The following WDR70 variants were observed in gnomAD, a reference collection of about 807,000 sequenced individuals.
The protein encoded by WDR70 is WD repeat domain 70.
Under a neutral mutation model 88.6 loss-of-function variants are expected in WDR70, and 53 were observed. The observed-to-expected ratio is 0.60, with a 90% CI of 0.48 to 0.75. The LOEUF is 0.75. Among genes scored for constraint, WDR70 ranks in the 30% least tolerant of loss-of-function variants. The pLI is 0.00. For synonymous variants in WDR70, 280 were observed against 270.0 expected, an observed-to-expected ratio of 1.04 and a Z score of -0.36; for missense variants, 610 against 823.2, an observed-to-expected ratio of 0.74 and a Z score of 3.17.
At chr5:37,651,208 C>T (rs554417915) in intron 10 of WDR70, among the ~76,000 whole-genome samples, 278 of 152,084 alleles carry the variant, frequency 1.8e-3, no homozygotes, top group African/African-American at 5.9e-3. Context: ...TGAGAACATG[C>T]GGTGTTTGGT....
intron 10 of WDR70, among the ~76,000 whole-genome samples, chr5:37,674,479 G>A (rs903516531): frequency 2.1e-4 from 32 of 151,862 alleles, no homozygotes; most frequent in East Asian, 3.9e-4. Flanking sequence ...GAGAACATGC[G>A]GTGTTTCATT....
At chr5:37,545,793 G>A (rs1373915317) in intron 9 of WDR70, among the ~76,000 whole-genome samples, 1 of 152,084 alleles carries the variant, frequency 6.6e-6, no homozygotes, top group Non-Finnish European at 1.5e-5. Flanking sequence ...CAAAGTGCTG[G>A]CATTACAGCT....
intron 5 of WDR70, among the ~76,000 whole-genome samples, chr5:37,409,968 A>G (rs1228111045): frequency 6.6e-6 from 1 of 152,188 alleles, no homozygotes; most frequent in Non-Finnish European, 1.5e-5. Flanking sequence ...GCAAATATAT[A>G]GAAGACCTGA....
intron 8 of WDR70, among the ~76,000 whole-genome samples, chr5:37,497,386 C>CT: frequency 7.7e-6 from 1 of 129,980 alleles, no homozygotes; most frequent in African/African-American, 2.9e-5. Context: ...TCTTCCCTCC[C>CT]CTTCCCTCCC....
rs1456569166 is a variant in WDR70, at chr5:37,676,270, T to C, written c.1093-21385T>C. Among the ~76,000 whole-genome samples the C allele has an allele frequency of 5.3e-5, 8 of 151,370 alleles. 1 individual carries two copies. Among genetic ancestry groups the C allele is most frequent in the African/African-American group, 1.9e-4 (8 of 41,374 alleles). On this transcript the variant is annotated intron_variant, in intron 10 of 17. Transcript: ENST00000265107. ...GCCCTGGCCAGAACTTCCAACACTA[T>C]GTTGAATAGGAGTGGTGAGAGAGGG... is the stretch of plus-strand genomic sequence containing the variant.
chr5:37,720,172 A>C (rs1205057297), intron 13 of WDR70, among the ~76,000 whole-genome samples: 6 of 152,176 alleles, frequency 3.9e-5, no homozygotes, highest in Admixed American at 3.9e-4. Context: ...TAAAATGCTA[A>C]TATCTAATCA....
intron 13 of WDR70, among the ~76,000 whole-genome samples, chr5:37,713,794 A>G (rs1424213210): frequency 6.6e-6 from 1 of 152,236 alleles, no homozygotes; most frequent in African/African-American, 2.4e-5. Context: ...GCACCGTATC[A>G]CATCCCACTG....
At chr5:37,718,829 T>A (rs1747726453) in intron 13 of WDR70, among the ~76,000 whole-genome samples, 1 of 152,176 alleles carries the variant, frequency 6.6e-6, no homozygotes. Flanking sequence ...ACTTGGGATA[T>A]GTTGCCAAAC....
Position 37,727,055 on chromosome 5 carries a change from T to C in WDR70, c.1877+10T>C. On this transcript the variant is annotated intron_variant, in intron 17 of 17. Transcript: ENST00000265107. ...CTCCAGCATATTCCAAGTGAGAATA[T>C]AGCTTTTTAAAACAGGAAAATTGTT... 3.1e-6 allele frequency: 5 copies of C among 1,598,468 alleles called. No homozygotes were observed. The highest frequency in any genetic ancestry group is 4.3e-6 in the Non-Finnish European group (5 of 1,175,348).
intron 10 of WDR70, among the ~76,000 whole-genome samples, chr5:37,651,190 C>G (rs1171683811): frequency 6.6e-6 from 1 of 152,070 alleles, no homozygotes. Flanking sequence ...TCAGCTCCCA[C>G]TTATCAGTGA....
At chr5:37,715,103 T>C (rs1238566614) in intron 13 of WDR70, among the ~76,000 whole-genome samples, 1 of 152,180 alleles carries the variant, frequency 6.6e-6, no homozygotes, top group Non-Finnish European at 1.5e-5. Flanking sequence ...CCATGAGTTT[T>C]CTGGGAATTA....
At chr5:37,692,024 A>G (rs1453453165) in intron 10 of WDR70, among the ~76,000 whole-genome samples, 4 of 152,194 alleles carry the variant, frequency 2.6e-5, no homozygotes, top group African/African-American at 9.6e-5. Context: ...TAAAGGGGAT[A>G]TCACCACCGA....
chr5:37,729,941 T>A (rs1259864642), intron 17 of WDR70, among the ~76,000 whole-genome samples: 1 of 152,150 alleles, frequency 6.6e-6, no homozygotes, highest in Non-Finnish European at 1.5e-5. Flanking sequence ...ATCTTTTTAG[T>A]TCCTGGTGTA....
At position 37,699,398 on chromosome 5, in the gene WDR70, T is replaced by TACACAC. The variant is rs780835202; in HGVS notation, c.1192+1645_1192+1646insCACACA. Among the ~76,000 whole-genome samples, 297 of 74,124 alleles carry TACACAC rather than the reference T, an allele frequency of 4.0e-3. 1 individual carries two copies. The South Asian group carries it at 0.053, about 13-fold the overall frequency. 48.6% of individuals were successfully genotyped at this position (74,124 alleles called of 152,430 possible). A position where few individuals can be genotyped will look rare whatever the true frequency, so the allele number is the denominator to read the frequency against. On this transcript the variant is annotated intron_variant, in intron 11 of 17. Coordinates refer to ENST00000265107, the MANE Select transcript of WDR70 (RefSeq NM_018034.4). ...GTATATATATGTATGTGTGTATATA[T>TACACAC]ATATACACACACACACACACACACA...
chr5:37,456,229 T>C (rs1365179336), intron 7 of WDR70, among the ~76,000 whole-genome samples: 1 of 152,168 alleles, frequency 6.6e-6, no homozygotes, highest in Non-Finnish European at 1.5e-5. Flanking sequence ...TGTGTAAGAG[T>C]TGTAGTTACT....
chr5:37,634,505 C>T (rs960933810), intron 10 of WDR70, among the ~76,000 whole-genome samples: 3 of 151,978 alleles, frequency 2.0e-5, no homozygotes, highest in African/African-American at 4.8e-5. Flanking sequence ...ATTGGAGTGG[C>T]GTGATATGGA....
chr5:37,406,264 G>A (rs2111938900), intron 5 of WDR70, among the ~76,000 whole-genome samples: 1 of 152,194 alleles, frequency 6.6e-6, no homozygotes, highest in East Asian at 1.9e-4. Context: ...TACTAGCTCT[G>A]TCTTGAAGGC....
chr5:37,521,193 G>A (rs1430709867), intron 9 of WDR70, among the ~76,000 whole-genome samples: 1 of 152,202 alleles, frequency 6.6e-6, no homozygotes, highest in Non-Finnish European at 1.5e-5. Flanking sequence ...CACTACAGCA[G>A]CCTTTCCCAA....
intron 9 of WDR70, among the ~76,000 whole-genome samples, chr5:37,602,408 A>G (rs2112470766): frequency 6.6e-6 from 1 of 151,982 alleles, no homozygotes; most frequent in East Asian, 2.0e-4. Flanking sequence ...CAGAAGTTTG[A>G]GACCAGCCTG....
Sources: allele counts gnomAD v4.1 joint callset (sites outside exome capture counted in the v4.1 genomes callset), GRCh38; gene constraint gnomAD v4.1.1; transcripts MANE v1.5; gene names NCBI Gene and HGNC (gene_info 2026-07-23, HGNC 2026-07-21).